Variants in PPP1R21 observed in about 807,000 individuals in gnomAD.
PPP1R21 encodes KLRAQ motif containing 1.
A neutral mutation model predicts 112.8 loss-of-function variants in PPP1R21; 85 were observed. The ratio of observed to expected loss-of-function variants is 0.75; its 90% confidence interval spans 0.63 to 0.90. The LOEUF is 0.90. PPP1R21 is among the 40% of genes least tolerant of loss of function. The probability of loss-of-function intolerance (pLI) is 0.00; values close to 1 mark genes in which losing one functional copy is unlikely to be tolerated. For synonymous variants in PPP1R21, 381 were observed against 322.3 expected (o/e 1.18, Z -1.95); for missense variants, 1,199 against 901.5 (o/e 1.33, Z -4.23).
chr2:48,498,100 A>G (rs756676070), intron 16 of PPP1R21, among the ~76,000 whole-genome samples: 3 of 151,546 alleles, frequency 2.0e-5, no homozygotes, highest in Non-Finnish European at 2.9e-5. Context: ...GTCTTGTTCA[A>G]GTTTTTTGTT....
intron 17 of PPP1R21, among the ~76,000 whole-genome samples, chr2:48,503,536 C>T (rs1670225487): frequency 6.6e-6 from 1 of 152,164 alleles, no homozygotes; most frequent in Non-Finnish European, 1.5e-5. Context: ...CTTCAGAAGG[C>T]ATGAATATTT....
At chr2:48,462,861 G>C (rs989330564) in intron 7 of PPP1R21, among the ~76,000 whole-genome samples, 1 of 152,170 alleles carries the variant, frequency 6.6e-6, no homozygotes, top group Non-Finnish European at 1.5e-5. Flanking sequence ...TAGTTTTGGC[G>C]TACTATTGTG....
At chr2:48,498,828 C>G in intron 17 of PPP1R21, 93 bp downstream of exon 17, 1 of 1,279,780 alleles carries the variant, frequency 7.8e-7, no homozygotes, top group Admixed American at 2.0e-5. Context: ...TTAGTTCATT[C>G]AGGCTGCTAT....
intron 9 of PPP1R21, 82 bp downstream of exon 9, chr2:48,465,724 CAT>C: frequency 8.2e-7 from 1 of 1,218,748 alleles, no homozygotes; most frequent in Non-Finnish European, 1.1e-6. Flanking sequence ...TTCTGTGCAC[CAT>C]CCAAGTACTG....
rs534858898 is a variant in PPP1R21, at chr2:48,486,545, A to T, written c.1319-86A>T. The T allele has an allele frequency of 4.2e-5, 43 of 1,015,696 alleles. No individual in the cohort carries two copies. The East Asian group carries it at 1.0e-3, about 24-fold the overall frequency. 62.9% of individuals were successfully genotyped at this position (1,015,696 alleles called of 1,614,324 possible). ...CAAATTTACTTTATAAATTTAGAAG[A>T]ATAGATAGGAGAAGTGAATGGGCTG... On this transcript the variant is annotated intron_variant, in intron 13 of 21. Coordinates refer to ENST00000294952, the MANE Select transcript of PPP1R21 (RefSeq NM_001135629.3).
chr2:48,449,571 T>C (rs910276512), intron 1 of PPP1R21, among the ~76,000 whole-genome samples: 1 of 152,240 alleles, frequency 6.6e-6, no homozygotes, highest in Non-Finnish European at 1.5e-5. Flanking sequence ...GCAGTATTCC[T>C]GCATTTTATC....
At chr2:48,513,677 G>A (rs1041742116) in intron 21 of PPP1R21, among the ~76,000 whole-genome samples, 2 of 151,950 alleles carry the variant, frequency 1.3e-5, no homozygotes, top group African/African-American at 2.4e-5. Context: ...ATCATCTTAT[G>A]GCTGACATTG....
At position 48,511,483 on chromosome 2, in the gene PPP1R21, G is replaced by A. The variant is rs1005314732; in HGVS notation, c.2313+15G>A. On this transcript the variant is annotated intron_variant, in intron 21 of 21. Transcript: ENST00000294952. ...TGTCCAGTAAGGTATGTGAGGTGAG[G>A]TGAGGTAGTCTCTCTGCAATATAAT... 2 of 1,609,068 alleles carry A rather than the reference G, an allele frequency of 1.2e-6. No homozygotes were observed. The highest frequency in any genetic ancestry group is 1.3e-5 in the African/African-American group (1 of 74,748).
chr2:48,476,790 G>A (rs1668774513), intron 12 of PPP1R21, among the ~76,000 whole-genome samples: 1 of 151,934 alleles, frequency 6.6e-6, no homozygotes, highest in Admixed American at 6.6e-5. Flanking sequence ...TTTTCAGTTA[G>A]GTTGTCTGTT....
chr2:48,485,786 A>G (rs1453915217), intron 13 of PPP1R21, among the ~76,000 whole-genome samples: 2 of 150,748 alleles, frequency 1.3e-5, no homozygotes, highest in South Asian at 4.2e-4. Flanking sequence ...TTGATTCTAA[A>G]TTAATGAAAT....
At chr2:48,495,127 G>C (rs1669767746) in intron 15 of PPP1R21, among the ~76,000 whole-genome samples, 1 of 152,206 alleles carries the variant, frequency 6.6e-6, no homozygotes. Flanking sequence ...CATTGCTTTT[G>C]CACCATCGTA....
intron 4 of PPP1R21, among the ~76,000 whole-genome samples, chr2:48,459,495 G>T (rs977023291): frequency 3.9e-5 from 6 of 152,134 alleles, no homozygotes; most frequent in African/African-American, 1.2e-4. Flanking sequence ...TCAAATCTCA[G>T]TTCTACTATA....
At position 48,515,006 on chromosome 2, in the gene PPP1R21, TACTGTGC is replaced by T. The variant is rs2103689433; in HGVS notation, c.*266_*272del. 5 of 430,394 alleles carry T rather than the reference TACTGTGC, an allele frequency of 1.2e-5. No homozygotes were observed. The South Asian group carries it at 1.7e-4, about 15-fold the overall frequency. 26.7% of individuals were successfully genotyped at this position (430,394 alleles called of 1,614,324 possible). ...ATTGTAGGTTTCCTTATGCTGTTTT[TACTGTGC>T]ACTTTTTAAAATTAGGTTTTAATTT... On this transcript the variant is annotated 3_prime_UTR_variant, in exon 22 of 22. Coordinates refer to ENST00000294952, the MANE Select transcript of PPP1R21 (RefSeq NM_001135629.3).
In PPP1R21 at chr2:48,454,636, A is replaced by T. The variant is rs1159137547; in HGVS notation, c.168A>T (p.Gln56His). 6.2e-7 allele frequency: 1 copy of T among 1,614,118 alleles called. No homozygotes were observed. The highest frequency in any genetic ancestry group is 8.5e-7 in the Non-Finnish European group (1 of 1,179,920). ...AGGATCAGTCATTGAGAAAACTACAACAGGAAATGGACAGTTTGACATTTC... is the reference window on the plus strand; with the variant it reads ...AGGATCAGTCATTGAGAAAACTACATCAGGAAATGGACAGTTTGACATTTC... ...KMKDQSLRKLQQEMDSLTFRN... is the reference protein window; with the variant it reads ...KMKDQSLRKLHQEMDSLTFRN... Residue 56 changes from glutamine (Q) to histidine (H), a missense_variant, in exon 3 of 22, where the codon CAA (glutamine) becomes CAT (histidine). Gln to His is a conservative substitution (Grantham distance 24). Transcript: ENST00000294952.
intron 18 of PPP1R21, among the ~76,000 whole-genome samples, chr2:48,506,574 G>T (rs1000561746): frequency 2.0e-5 from 3 of 152,190 alleles, no homozygotes; most frequent in African/African-American, 7.2e-5. Context: ...TCAACAGGGT[G>T]TCATTGTTTG....
In PPP1R21 at chr2:48,454,636, A is replaced by G; in HGVS notation, c.168A>G (p.Gln56=). 1 of 1,614,118 alleles carries G rather than the reference A, an allele frequency of 6.2e-7. No homozygotes were observed. Among genetic ancestry groups the G allele is most frequent in the Non-Finnish European group, 8.5e-7 (1 of 1,179,920 alleles). The change falls in exon 3 of 22, where the codon CAA becomes CAG. Residue 56 remains glutamine (Q), a synonymous_variant. Coordinates refer to ENST00000294952, the MANE Select transcript of PPP1R21 (RefSeq NM_001135629.3). Reference sequence around the variant, plus strand: ...AGGATCAGTCATTGAGAAAACTACAACAGGAAATGGACAGTTTGACATTTC... The same window carrying G: ...AGGATCAGTCATTGAGAAAACTACAGCAGGAAATGGACAGTTTGACATTTC... The part of the protein sequence containing the change: ...KMKDQSLRKL[Q]QEMDSLTFRN...
chr2:48,479,926 A>G lies in PPP1R21; in HGVS notation c.1228A>G (p.Thr410Ala). The G allele has an allele frequency of 3.1e-6, 5 of 1,597,736 alleles. No individual in the cohort carries two copies. The highest frequency in any genetic ancestry group is 1.7e-4 in the Middle Eastern group (1 of 6,038). ...GATTTGTGATTTTGATTTCCTAGGTACAGAGCCAGATGGACTCCTTCGGAC... is the reference window on the plus strand; with the variant it reads ...GATTTGTGATTTTGATTTCCTAGGTGCAGAGCCAGATGGACTCCTTCGGAC... ...TYIALLALPS[T>A]EPDGLLRTNY... is the part of the protein sequence containing the mutation. Residue 410 changes from threonine (T) to alanine (A), a missense_variant and splice_region_variant, in exon 13 of 22, where the codon ACA (threonine) becomes GCA (alanine). Thr to Ala is a moderately conservative substitution (Grantham distance 58, BLOSUM62 0). Coordinates refer to ENST00000294952, the MANE Select transcript of PPP1R21 (RefSeq NM_001135629.3).
At position 48,458,114 on chromosome 2, in the gene PPP1R21, T is replaced by G; in HGVS notation, c.274-12T>G. ...TGAAAGTTATGTGGACATAACTTAT[T>G]CTTTCCATCAGAAAAGTGGAGAATC... On this transcript the variant is annotated splice_polypyrimidine_tract_variant and intron_variant, in intron 3 of 21. Transcript: ENST00000294952. The G allele has an allele frequency of 6.3e-7, 1 of 1,575,900 alleles. No individual in the cohort carries two copies. The highest frequency in any genetic ancestry group is 8.7e-7 in the Non-Finnish European group (1 of 1,146,498).
At chr2:48,469,558 G>C (rs1247988877) in intron 9 of PPP1R21, among the ~76,000 whole-genome samples, 7 of 115,590 alleles carry the variant, frequency 6.1e-5, no homozygotes, top group Admixed American at 2.1e-4. Flanking sequence ...TATATAGAGA[G>C]AGAGAGAGCA....
Sources: allele counts gnomAD v4.1 joint callset (sites outside exome capture counted in the v4.1 genomes callset), GRCh38; gene constraint gnomAD v4.1.1; transcripts MANE v1.5; gene names NCBI Gene and HGNC (gene_info 2026-07-23, HGNC 2026-07-21).